GNAT3: variants seen among roughly 807,000 people sequenced by gnomAD.
GNAT3 encodes G protein subunit alpha transducin 3, also known as guanine nucleotide-binding protein G(t) subunit alpha-3.
A neutral mutation model predicts 37.7 loss-of-function variants in GNAT3; 31 were observed. That is an observed-to-expected ratio of 0.82 (90% CI 0.62 to 1.11). The LOEUF is 1.11. GNAT3 is among the 50% of genes most tolerant of loss of function. GNAT3 has a pLI of 0.00. For missense variants in GNAT3, 437 were observed against 412.5 expected (o/e 1.06, Z -0.51); for synonymous variants, 138 against 139.8 (o/e 0.99, Z 0.09).
rs76006915 is a variant in GNAT3 at position 80,467,066 on chromosome 7, C to T, written c.591-4435G>A. ...AATGAAGAAACTGGCCTTTGAGAGGCTAAGGTGGTTTGTTCCTAAACTCAC... is the reference window on the plus strand; with the variant it reads ...AATGAAGAAACTGGCCTTTGAGAGGTTAAGGTGGTTTGTTCCTAAACTCAC... On this transcript the variant is annotated intron_variant, in intron 5 of 7. Coordinates refer to ENST00000398291, the MANE Select transcript of GNAT3 (RefSeq NM_001102386.3). 6.5e-3 allele frequency among the ~76,000 whole-genome samples: 985 copies of T among 152,188 alleles called. 11 individuals are homozygous for T. The highest frequency in any genetic ancestry group is 0.023 in the African/African-American group (940 of 41,538).
chr7:80,471,585 G>T (rs1483167859), intron 5 of GNAT3, among the ~76,000 whole-genome samples: 1 of 151,876 alleles, frequency 6.6e-6, no homozygotes, highest in Non-Finnish European at 1.5e-5. Flanking sequence ...TCCCCAAAAG[G>T]CTGTCATTTT....
At chr7:80,495,171 A>G (rs1415021893) in intron 1 of GNAT3, among the ~76,000 whole-genome samples, 3 of 152,096 alleles carry the variant, frequency 2.0e-5, no homozygotes, top group African/African-American at 7.2e-5. Flanking sequence ...TGACTTTGCT[A>G]TTATAAATAG....
At position 80,474,347 on chromosome 7, in the gene GNAT3, G is replaced by C; in HGVS notation, c.494C>G (p.Ser165Cys). Residue 165 changes from serine (S) to cysteine (C), a missense_variant, in exon 5 of 8, where the codon TCT (serine) becomes TGT (cysteine). Coordinates refer to ENST00000398291, the MANE Select transcript of GNAT3 (RefSeq NM_001102386.3). Reference sequence around the variant, plus strand: ...ATCTTGTTCATTTGGCACATACCCAGATGCTGTTATTCTATCTAAATCATT... The same window carrying C: ...ATCTTGTTCATTTGGCACATACCCACATGCTGTTATTCTATCTAAATCATT... ...YLNDLDRITA[S>C]GYVPNEQDVL... 1 of 1,554,308 alleles carries C rather than the reference G, an allele frequency of 6.4e-7. No individual in the cohort carries two copies.
At chr7:80,475,454 A>G (rs866272237) in intron 4 of GNAT3, among the ~76,000 whole-genome samples, 7 of 152,076 alleles carry the variant, frequency 4.6e-5, no homozygotes, top group African/African-American at 1.7e-4. Flanking sequence ...TGGCTTAGCA[A>G]TATCACTATT....
At chr7:80,480,657 C>T (rs2116175157) in intron 3 of GNAT3, among the ~76,000 whole-genome samples, 1 of 152,222 alleles carries the variant, frequency 6.6e-6, no homozygotes, top group African/African-American at 2.4e-5. Context: ...ATTATTCATG[C>T]CTCCCCTTGT....
intron 1 of GNAT3, among the ~76,000 whole-genome samples, chr7:80,503,050 A>AT (rs1271758957): frequency 3.3e-5 from 5 of 151,962 alleles, no homozygotes; most frequent in South Asian, 4.1e-4. Flanking sequence ...GGTAGTCTTT[A>AT]TTTTTTTTAA....
chr7:80,496,660 GT>G (rs1245205705), intron 1 of GNAT3, among the ~76,000 whole-genome samples: 2 of 152,188 alleles, frequency 1.3e-5, no homozygotes, highest in African/African-American at 4.8e-5. Context: ...ACCTAGAACA[GT>G]GCCTAACTCA....
intron 5 of GNAT3, among the ~76,000 whole-genome samples, chr7:80,469,252 T>C (rs12671431): frequency 0.05 from 7,560 of 152,246 alleles, 292 homozygotes; most frequent in African/African-American, 0.11. Context: ...AGCTCTGTGT[T>C]GTAATAATTG....
chr7:80,510,954 A>C (rs1160161779), intron 1 of GNAT3, among the ~76,000 whole-genome samples: 1 of 152,172 alleles, frequency 6.6e-6, no homozygotes, highest in Non-Finnish European at 1.5e-5. Context: ...TCAGGGAGAA[A>C]GTACAACTCA....
intron 4 of GNAT3, among the ~76,000 whole-genome samples, chr7:80,474,840 T>A (rs1334790124): frequency 6.6e-6 from 1 of 152,164 alleles, no homozygotes; most frequent in African/African-American, 2.4e-5. Flanking sequence ...GGCTAGATTA[T>A]CCTCGAAATT....
At chr7:80,508,054 A>G (rs577323788) in intron 1 of GNAT3, among the ~76,000 whole-genome samples, 54 of 152,032 alleles carry the variant, frequency 3.6e-4, no homozygotes, top group Non-Finnish European at 6.5e-4. Context: ...AAATAAAAAT[A>G]AAGGGTTTTA....
chr7:80,459,880 C>T (rs1790020464), intron 7 of GNAT3, among the ~76,000 whole-genome samples: 2 of 152,294 alleles, frequency 1.3e-5, no homozygotes, highest in Admixed American at 6.5e-5. Context: ...GAGTTAATTG[C>T]TTGTGGAAAT....
chr7:80,483,466 C>T (rs745403596), intron 3 of GNAT3, among the ~76,000 whole-genome samples: 18 of 152,132 alleles, frequency 1.2e-4, no homozygotes, highest in African/African-American at 2.2e-4. Flanking sequence ...TTCCTCATAA[C>T]GGCCAAACTG....
chr7:80,470,171 T>C (rs1790186448), intron 5 of GNAT3, among the ~76,000 whole-genome samples: 1 of 152,126 alleles, frequency 6.6e-6, no homozygotes, highest in Admixed American at 6.6e-5. Context: ...TTGATACCTG[T>C]TTTAGTATAT....
Position 80,488,543 on chromosome 7 carries a change from TG to T in GNAT3, c.294del (p.Arg99GlufsTer21). 6.2e-7 allele frequency: 1 copy of T among 1,601,232 alleles called. No homozygotes were observed. The highest frequency in any genetic ancestry group is 1.7e-5 in the Admixed American group (1 of 58,780). On this transcript the variant is annotated frameshift_variant, in exon 3 of 8. Coordinates refer to ENST00000398291, the MANE Select transcript of GNAT3 (RefSeq NM_001102386.3). LOFTEE classifies it high-confidence loss of function. Reference sequence around the variant, plus strand: ...ATTATTTGCATACTTACTGCACTTCTGGGATTTACATAATCAATTCCAAGGG... The same window carrying T: ...ATTATTTGCATACTTACTGCACTTCTGGATTTACATAATCAATTCCAAGGG... The part of the protein sequence containing the change: ...MTTLGIDYVN[P>X]RSAEDQRQLY...
chr7:80,497,575 T>C lies in GNAT3; in HGVS notation c.119-2928A>G, dbSNP rs187630320. Reference sequence around the variant, plus strand: ...ACGTATATACATATACGTATATACATATACGTATATACATATACGTATATA... The same window carrying C: ...ACGTATATACATATACGTATATACACATACGTATATACATATACGTATATA... On this transcript the variant is annotated intron_variant, in intron 1 of 7. Transcript: ENST00000398291. Among the ~76,000 whole-genome samples the C allele has an allele frequency of 4.3e-4, 61 of 142,100 alleles. 3 individuals are homozygous for C. The highest frequency in any genetic ancestry group is 1.3e-3 in the African/African-American group (49 of 37,052). 93.2% of individuals were successfully genotyped at this position (142,100 alleles called of 152,430 possible). A position where few individuals can be genotyped will look rare whatever the true frequency, so the allele number is the denominator to read the frequency against.
chr7:80,488,532 T>TA lies in GNAT3; in HGVS notation c.303+2dup. On this transcript the variant is annotated splice_region_variant and intron_variant, in intron 3 of 7. Transcript: ENST00000398291. The stretch of plus-strand genomic sequence containing the variant: ...ATACAGCTGTCATTATTTGCATACT[T>TA]ACTGCACTTCTGGGATTTACATAAT... The TA allele has an allele frequency of 6.3e-7, 1 of 1,599,012 alleles. No homozygotes were observed. The highest frequency in any genetic ancestry group is 8.5e-7 in the Non-Finnish European group (1 of 1,171,196).
chr7:80,463,899 T>G (rs967286358), intron 5 of GNAT3, among the ~76,000 whole-genome samples: 6 of 150,728 alleles, frequency 4.0e-5, no homozygotes, highest in African/African-American at 1.5e-4. Context: ...GAACATAGCA[T>G]GTTTGGGGTA....
At chr7:80,466,643 A>T (rs1397635015) in intron 5 of GNAT3, among the ~76,000 whole-genome samples, 1 of 152,004 alleles carries the variant, frequency 6.6e-6, no homozygotes, top group Non-Finnish European at 1.5e-5. Context: ...CAGGAGGAGG[A>T]AAAAAAGGGA....
Sources: gnomAD v4.1 joint callset for allele counts (sites outside exome capture counted in the v4.1 genomes callset) on GRCh38, gnomAD v4.1.1 for gene constraint, MANE v1.5 for transcripts, NCBI Gene and HGNC (gene_info 2026-07-23, HGNC 2026-07-21) for gene names.